The following KCNN3 variants were observed in gnomAD, a reference collection of about 807,000 sequenced individuals.
KCNN3 encodes potassium calcium-activated channel subfamily N member 3.
KCNN3 carries 16 observed loss-of-function variants against 62.9 expected under a neutral mutation model. The observed-to-expected ratio is 0.25, with a 90% CI of 0.17 to 0.39. The LOEUF (loss-of-function observed/expected upper bound fraction) is 0.39. Ranked by LOEUF, KCNN3 falls within the 10% of genes least tolerant of loss-of-function variation. KCNN3 has a pLI of 1.00. For synonymous variants in KCNN3, 370 were observed against 389.2 expected (o/e 0.95, Z 0.58); for missense variants, 599 against 949.4 (o/e 0.63, Z 4.85).
chr1:154,724,479 C>G (rs149097232), intron 5 of KCNN3, among the ~76,000 whole-genome samples: 1 of 152,196 alleles, frequency 6.6e-6, no homozygotes, highest in Non-Finnish European at 1.5e-5. Context: ...AATTCTGTCT[C>G]GTCTCAGAAA....
intron 1 of KCNN3, among the ~76,000 whole-genome samples, chr1:154,822,954 G>C (rs1236268290): frequency 6.6e-6 from 1 of 152,176 alleles, no homozygotes; most frequent in East Asian, 1.9e-4. Context: ...CCAGCCCTGC[G>C]ACAGCCATTT....
chr1:154,766,416 T>TTAAATA lies in KCNN3; in HGVS notation c.1448+5558_1448+5559insTATTTA, dbSNP rs1553231995. Reference sequence around the variant, plus strand: ...CCATTTATTAAATACTAGCCAGGCTTTATATATATATATATATATATATAT... The same window carrying TTAAATA: ...CCATTTATTAAATACTAGCCAGGCTTTAAATATATATATATATATATATATATATAT... On this transcript the variant is annotated intron_variant, in intron 3 of 7. Transcript: ENST00000271915. Among the ~76,000 whole-genome samples, 82 of 71,774 alleles carry TTAAATA rather than the reference T, an allele frequency of 1.1e-3. 3 individuals are homozygous for TTAAATA. The highest frequency in any genetic ancestry group is 2.0e-3 in the East Asian group (6 of 3,020). 47.1% of individuals were successfully genotyped at this position (71,774 alleles called of 152,430 possible).
At chr1:154,828,124 CA>C (rs1468867658) in intron 1 of KCNN3, among the ~76,000 whole-genome samples, 2 of 152,272 alleles carry the variant, frequency 1.3e-5, no homozygotes, top group East Asian at 3.9e-4. Context: ...AGCTCTGGAA[CA>C]GAGGCCCAGG....
intron 1 of KCNN3, among the ~76,000 whole-genome samples, chr1:154,845,005 C>CA (rs200763398): frequency 0.12 from 2,689 of 23,152 alleles, 94 homozygotes; most frequent in African/African-American, 0.12. Context: ...GACCCCGTCT[C>CA]AAAAAACAAA....
intron 3 of KCNN3, among the ~76,000 whole-genome samples, chr1:154,759,566 A>G (rs1647905720): frequency 6.6e-6 from 1 of 152,188 alleles, no homozygotes; most frequent in African/African-American, 2.4e-5. Context: ...CATCCGCTGT[A>G]GGAAAGGAAG....
chr1:154,753,374 A>G (rs1243269230), intron 3 of KCNN3, among the ~76,000 whole-genome samples: 1 of 152,176 alleles, frequency 6.6e-6, no homozygotes, highest in Non-Finnish European at 1.5e-5. Flanking sequence ...CTGTTTTTCT[A>G]GAACACCAAT....
intron 2 of KCNN3, among the ~76,000 whole-genome samples, chr1:154,801,586 G>A (rs1021252491): frequency 6.6e-6 from 1 of 152,210 alleles, no homozygotes; most frequent in Non-Finnish European, 1.5e-5. Flanking sequence ...TATTCAGTAA[G>A]AACAAAATCT....
chr1:154,815,707 A>G (rs541090470), intron 2 of KCNN3, among the ~76,000 whole-genome samples: 10 of 152,366 alleles, frequency 6.6e-5, no homozygotes, highest in African/African-American at 2.4e-4. Flanking sequence ...TAGAGAGGTC[A>G]GTACGTGCTC....
At position 154,868,877 on chromosome 1, in the gene KCNN3, C is replaced by T. The variant is rs572938443; in HGVS notation, c.933+155G>A. ...TCACCACCACCACCACCTCTCTCTCCCAGTCTCCCTCCCAATCTCTCAATC... is the reference window on the plus strand; with the variant it reads ...TCACCACCACCACCACCTCTCTCTCTCAGTCTCCCTCCCAATCTCTCAATC... On this transcript the variant is annotated intron_variant, in intron 1 of 7. Coordinates refer to ENST00000271915, the MANE Select transcript of KCNN3 (RefSeq NM_002249.6). Among the ~76,000 whole-genome samples, 7 of 150,694 alleles carry T rather than the reference C, an allele frequency of 4.6e-5. No individual in the cohort carries two copies. In the South Asian group the frequency reaches 1.5e-3, roughly 32 times the overall value.
At position 154,862,918 on chromosome 1, in the gene KCNN3, T is replaced by G. The variant is rs72993366; in HGVS notation, c.933+6114A>C. Among the ~76,000 whole-genome samples the G allele has an allele frequency of 0.036, 5,474 of 152,278 alleles. 123 individuals carry two copies. Among genetic ancestry groups the G allele is most frequent in the African/African-American group, 0.066 (2,728 of 41,542 alleles). On this transcript the variant is annotated intron_variant, in intron 1 of 7. Coordinates refer to ENST00000271915, the MANE Select transcript of KCNN3 (RefSeq NM_002249.6). This position sits in a 1 kb window ranked among gnomAD's most constrained non-coding sequence, Gnocchi z 4.1. Reference sequence around the variant, plus strand: ...AGCAGGCAAGGGAAAGGGCATGAACTTGGGAGCTAAACGGGCTTGGGTTCT... The same window carrying G: ...AGCAGGCAAGGGAAAGGGCATGAACGTGGGAGCTAAACGGGCTTGGGTTCT...
In KCNN3 at chr1:154,706,434, GA is replaced by G. The variant is rs1699966969; in HGVS notation, c.*1541del. On this transcript the variant is annotated 3_prime_UTR_variant, in exon 8 of 8. Transcript: ENST00000271915. ...CCACAGGCAGAAACCAAAGACCTCA[GA>G]ATGAGAAAGTCATGGTTTTCACGTC... 1 of 152,198 alleles carries G rather than the reference GA, an allele frequency of 6.6e-6. No homozygotes were observed. The highest frequency in any genetic ancestry group is 6.5e-5 in the Admixed American group (1 of 15,284). 9.4% of individuals were successfully genotyped at this position (152,198 alleles called of 1,614,324 possible).
rs76450787 is a variant in KCNN3 at position 154,744,192 on chromosome 1, C to T, written c.1449-11048G>A. On this transcript the variant is annotated intron_variant, in intron 3 of 7. Transcript: ENST00000271915. ...AGGACTTTTTCTGTTTTCTTTACTG[C>T]TGTATCCCTAGTACTCAATAAATAC... Among the ~76,000 whole-genome samples, 990 of 151,026 alleles carry T rather than the reference C, an allele frequency of 6.6e-3. 12 individuals carry two copies. Among genetic ancestry groups the T allele is most frequent in the African/African-American group, 0.023 (959 of 40,978 alleles).
At chr1:154,801,723 C>T (rs1296666142) in intron 2 of KCNN3, among the ~76,000 whole-genome samples, 1 of 152,222 alleles carries the variant, frequency 6.6e-6, no homozygotes, top group Non-Finnish European at 1.5e-5. Flanking sequence ...GGTGGAGGCA[C>T]AGCTGTTTCC....
At chr1:154,817,139 T>A (rs1650700958) in intron 2 of KCNN3, among the ~76,000 whole-genome samples, 1 of 152,196 alleles carries the variant, frequency 6.6e-6, no homozygotes, top group Admixed American at 6.5e-5. Context: ...TGGTTCCGGG[T>A]GGGTAGGCAT....
Position 154,699,521 on chromosome 1 carries a change from A to C in KCNN3, c.*8455T>G, listed in dbSNP as rs1402426084. The stretch of plus-strand genomic sequence containing the variant: ...AAGTCCAAGGCACTTTTTACAATGA[A>C]CAGGTTAAAGCCATTAATTTAGAAC... On this transcript the variant is annotated 3_prime_UTR_variant, in exon 8 of 8. Transcript: ENST00000271915. 8.5e-5 allele frequency: 13 copies of C among 152,192 alleles called. No individual in the cohort carries two copies. Among genetic ancestry groups the C allele is most frequent in the Non-Finnish European group, 4.4e-5 (3 of 68,032 alleles). The allele number at this position is 152,192 out of a possible 1,614,324, so 9.4% of individuals were successfully genotyped here.
At chr1:154,868,081 A>T in intron 1 of KCNN3, 1 of 985,226 alleles carries the variant, frequency 1.0e-6, no homozygotes, top group Non-Finnish European at 1.2e-6. Context: ...GCGCGCACTC[A>T]CACACACACT....
At chr1:154,828,156 G>T (rs1348214072) in intron 1 of KCNN3, among the ~76,000 whole-genome samples, 1 of 152,096 alleles carries the variant, frequency 6.6e-6, no homozygotes, top group Non-Finnish European at 1.5e-5. Flanking sequence ...GAGGGCGCAG[G>T]AGTCTCAGCC....
At chr1:154,838,495 C>T (rs1651694942) in intron 1 of KCNN3, among the ~76,000 whole-genome samples, 1 of 152,194 alleles carries the variant, frequency 6.6e-6, no homozygotes, top group African/African-American at 2.4e-5. Flanking sequence ...CATACTCACA[C>T]CATAAATTCT....
intron 1 of KCNN3, among the ~76,000 whole-genome samples, chr1:154,853,299 CTTTA>C (rs1167246406): frequency 6.6e-6 from 1 of 151,910 alleles, no homozygotes; most frequent in Non-Finnish European, 1.5e-5. Context: ...CTAAGCACTT[CTTTA>C]TTTGTTTTAT....
Sources: gnomAD v4.1 joint callset for allele counts (sites outside exome capture counted in the v4.1 genomes callset) on GRCh38, gnomAD v4.1.1 for gene constraint, Gnocchi (gnomAD v3.1) non-coding constraint, MANE v1.5 for transcripts, NCBI Gene and HGNC (gene_info 2026-07-23, HGNC 2026-07-21) for gene names.